HHLA1: variants seen among roughly 807,000 people sequenced by gnomAD.
HHLA1 encodes the protein HHLA1 neighbor of OC90.
A neutral mutation model predicts 69.9 loss-of-function variants in HHLA1; 72 were observed. That is an observed-to-expected ratio of 1.03 (90% CI 0.85 to 1.25). HHLA1 has a LOEUF of 1.25. HHLA1 is among the 50% of genes most tolerant of loss of function. The pLI is 0.00. For missense variants in HHLA1, 685 were observed against 642.2 expected (o/e 1.07, Z -0.72); for synonymous variants, 252 against 233.2 (o/e 1.08, Z -0.73).
At chr8:132,110,764 C>T (rs762148565) in intron 1 of HHLA1, among the ~76,000 whole-genome samples, 2 of 152,138 alleles carry the variant, frequency 1.3e-5, no homozygotes, top group Non-Finnish European at 2.9e-5. Flanking sequence ...ACTCTTTTAT[C>T]CTCATTCCAA....
intron 1 of HHLA1, among the ~76,000 whole-genome samples, chr8:132,106,089 G>A (rs1824197998): frequency 6.6e-6 from 1 of 152,196 alleles, no homozygotes; most frequent in Non-Finnish European, 1.5e-5. Flanking sequence ...TAACTGTACA[G>A]TCTTTCTGTG....
At chr8:132,091,848 A>G (rs1264643483) in intron 7 of HHLA1, among the ~76,000 whole-genome samples, 1 of 152,226 alleles carries the variant, frequency 6.6e-6, no homozygotes, top group Non-Finnish European at 1.5e-5. Context: ...TCAAATCATT[A>G]TAATATTGTT....
intron 10 of HHLA1, among the ~76,000 whole-genome samples, chr8:132,086,325 C>T (rs1823862097): frequency 6.6e-6 from 1 of 152,134 alleles, no homozygotes; most frequent in Admixed American, 6.5e-5. Flanking sequence ...CCTCACCTCC[C>T]CCAGAATGCA....
At chr8:132,073,910 C>G (rs1385441778) in intron 14 of HHLA1, among the ~76,000 whole-genome samples, 1 of 152,228 alleles carries the variant, frequency 6.6e-6, no homozygotes, top group Non-Finnish European at 1.5e-5. Context: ...CCACTGGCAT[C>G]ATTAGCACAA....
At chr8:132,076,738 A>G (rs978175196) in intron 12 of HHLA1, among the ~76,000 whole-genome samples, 195 bp from the exon 13 acceptor site, 2 of 152,200 alleles carry the variant, frequency 1.3e-5, no homozygotes, top group Non-Finnish European at 2.9e-5. Flanking sequence ...GGAAAATCCC[A>G]TCATTACTGT....
At chr8:132,101,227 C>T (rs570057578) in intron 3 of HHLA1, 17 of 1,550,324 alleles carry the variant, frequency 1.1e-5, no homozygotes, top group South Asian at 8.3e-5. Flanking sequence ...TAGGGCTGCC[C>T]GGGAATGTCC....
intron 12 of HHLA1, among the ~76,000 whole-genome samples, chr8:132,076,841 T>A (rs1343619875): frequency 6.6e-6 from 1 of 152,024 alleles, no homozygotes; most frequent in Non-Finnish European, 1.5e-5. Flanking sequence ...ACAGGAAGTG[T>A]CCAATGTGGG....
chr8:132,110,053 G>T (rs1489380863), intron 1 of HHLA1, among the ~76,000 whole-genome samples: 2 of 152,134 alleles, frequency 1.3e-5, no homozygotes, highest in Non-Finnish European at 2.9e-5. Flanking sequence ...GTGTGTTACC[G>T]CCAATCAACA....
chr8:132,099,511 G>A (rs1824080581), intron 4 of HHLA1, among the ~76,000 whole-genome samples: 1 of 152,220 alleles, frequency 6.6e-6, no homozygotes, highest in Non-Finnish European at 1.5e-5. Context: ...GAGTGGCAGT[G>A]TGCAGTGAGT....
rs558637922 is a variant in HHLA1, at chr8:132,100,929, G to C, written c.140-795C>G. On this transcript the variant is annotated intron_variant, in intron 3 of 16. Coordinates refer to ENST00000414222, the MANE Select transcript of HHLA1 (RefSeq NM_001145095.3). ...ACTTGTAACTACGACTGTTGGAGTGGTCATTTTTCATGTTATACCTGGATG... is the reference window on the plus strand; with the variant it reads ...ACTTGTAACTACGACTGTTGGAGTGCTCATTTTTCATGTTATACCTGGATG... Among the ~76,000 whole-genome samples the C allele has an allele frequency of 1.8e-4, 27 of 152,262 alleles. 1 individual carries two copies. The South Asian group carries it at 3.9e-3, about 22-fold the overall frequency.
chr8:132,088,944 CT>C (rs1823902807), intron 8 of HHLA1, among the ~76,000 whole-genome samples: 1 of 152,210 alleles, frequency 6.6e-6, no homozygotes. Flanking sequence ...CTCCCTCCTG[CT>C]TTTAAAACAG....
intron 15 of HHLA1, chr8:132,070,011 C>CGGGGGGGGGGGGGGGGGGGGGGG (rs750111284): frequency 4.1e-5 from 1 of 24,160 alleles, no homozygotes; most frequent in African/African-American, 1.6e-4. Flanking sequence ...TTCGTACTGA[C>CGGGGGGGGGGGGGGGGGGGGGGG]GGGGGGGGGG....
At chr8:132,097,885 G>A (rs1014569972) in intron 5 of HHLA1, among the ~76,000 whole-genome samples, 4 of 152,148 alleles carry the variant, frequency 2.6e-5, no homozygotes, top group African/African-American at 9.7e-5. Context: ...GTTGTGCAGT[G>A]TGTGTATTGC....
At position 132,095,537 on chromosome 8, in the gene HHLA1, G is replaced by A. The variant is rs528271155; in HGVS notation, c.430C>T (p.Arg144Trp). The change falls in exon 7 of 17, where the codon CGG becomes TGG. Residue 144 changes from arginine (R) to tryptophan (W), a missense_variant. Coordinates refer to ENST00000414222, the MANE Select transcript of HHLA1 (RefSeq NM_001145095.3). ...PTRYCYCLNN[R>W]TNDLSDFTAL... ...TACCCACCTGATAAGTCATTGGTCCGATTGTTTAAACAGTAGCAATACCTT... is the reference window on the plus strand; with the variant it reads ...TACCCACCTGATAAGTCATTGGTCCAATTGTTTAAACAGTAGCAATACCTT... 107 of 1,549,218 alleles carry A rather than the reference G, an allele frequency of 6.9e-5. No homozygotes were observed. In the South Asian group the frequency reaches 8.5e-4, roughly 12 times the overall value.
rs1023505309 is a variant in HHLA1, at chr8:132,098,932, G to C, written c.230C>G (p.Ala77Gly). ...ATTCACAAGCTCTGTCAGGTTAAGC[G>C]CGGACAGATCGATTGACCTTGCGGG... ...ELPARSIDLS[A>G]LNLTELVNGM... The change falls in exon 5 of 17, where the codon GCG becomes GGG. Residue 77 changes from alanine to glycine, a missense_variant. Ala to Gly is a moderately conservative substitution (Grantham distance 60). Transcript: ENST00000414222. 8 of 1,551,210 alleles carry C rather than the reference G, an allele frequency of 5.2e-6. No individual in the cohort carries two copies. Among genetic ancestry groups the C allele is most frequent in the Non-Finnish European group, 7.0e-6 (8 of 1,146,580 alleles).
At chr8:132,064,277 C>G (rs184010747) in intron 16 of HHLA1, among the ~76,000 whole-genome samples, 27 of 152,322 alleles carry the variant, frequency 1.8e-4, no homozygotes, top group Admixed American at 8.5e-4. Context: ...TTTCTCCACT[C>G]ACTGCCCAAT....
chr8:132,091,332 A>C (rs544179539), intron 7 of HHLA1, among the ~76,000 whole-genome samples: 50 of 152,332 alleles, frequency 3.3e-4, no homozygotes, highest in Non-Finnish European at 6.8e-4. Context: ...TTGAAGCCAC[A>C]CACAAAACAT....
intron 10 of HHLA1, among the ~76,000 whole-genome samples, chr8:132,082,941 A>G (rs1043185945): frequency 5.3e-5 from 8 of 151,800 alleles, no homozygotes; most frequent in Non-Finnish European, 1.0e-4. Context: ...GAGTGATAAC[A>G]GGCTTTAATC....
intron 10 of HHLA1, among the ~76,000 whole-genome samples, chr8:132,083,471 G>A (rs1186258614): frequency 6.6e-6 from 1 of 152,132 alleles, no homozygotes; most frequent in Non-Finnish European, 1.5e-5. Flanking sequence ...GGTCTAGGGG[G>A]CTTCCGAGGC....
Sources: gnomAD v4.1 joint callset for allele counts (sites outside exome capture counted in the v4.1 genomes callset) on GRCh38, gnomAD v4.1.1 for gene constraint, MANE v1.5 for transcripts, NCBI Gene and HGNC (gene_info 2026-07-23, HGNC 2026-07-21) for gene names.